The following CLNK variants were observed in gnomAD, a reference collection of about 807,000 sequenced individuals.
CLNK encodes the protein cytokine dependent hematopoietic cell linker.
In CLNK, 74 loss-of-function variants were observed where a neutral mutation model predicts 68.6. The ratio of observed to expected loss-of-function variants is 1.08; its 90% CI spans 0.89 to 1.31. The LOEUF is 1.31. Among genes scored for constraint, CLNK ranks in the 50% most tolerant of loss-of-function variants. The probability of loss-of-function intolerance (pLI) is 0.00; values close to 1 mark genes in which losing one functional copy is unlikely to be tolerated. For synonymous variants in CLNK, 198 were observed against 172.2 expected, an observed-to-expected ratio of 1.15 and a Z score of -1.17; for missense variants, 553 against 515.3, an observed-to-expected ratio of 1.07 and a Z score of -0.71.
chr4:10,631,379 T>G (rs1722883831), intron 2 of CLNK, among the ~76,000 whole-genome samples: 1 of 152,116 alleles, frequency 6.6e-6, no homozygotes, highest in African/African-American at 2.4e-5. Context: ...AAACCAGAGA[T>G]AGGTGGGAGA....
intron 15 of CLNK, among the ~76,000 whole-genome samples, chr4:10,516,349 C>G (rs1334838725): frequency 6.6e-6 from 1 of 152,074 alleles, no homozygotes; most frequent in African/African-American, 2.4e-5. Flanking sequence ...TTAACAAGAA[C>G]TTTGAAAGGA....
intron 2 of CLNK, among the ~76,000 whole-genome samples, chr4:10,628,719 T>C (rs922147388): frequency 6.6e-6 from 1 of 152,214 alleles, no homozygotes; most frequent in African/African-American, 2.4e-5. Flanking sequence ...TGATGCTTTG[T>C]ACATGCTGAA....
intron 15 of CLNK, chr4:10,517,533 G>A (rs1382593879): frequency 1.3e-5 from 2 of 152,180 alleles, no homozygotes; most frequent in African/African-American, 4.8e-5. Context: ...AAACAGAGCT[G>A]TACTAATACA....
chr4:10,584,855 G>T, intron 4 of CLNK, 72 bp downstream of exon 4: 1 of 1,475,500 alleles, frequency 6.8e-7, no homozygotes, highest in Non-Finnish European at 9.4e-7. Flanking sequence ...AAACAAAAAA[G>T]AATGGAAATA....
chr4:10,582,593 G>A (rs746449027), intron 4 of CLNK, among the ~76,000 whole-genome samples: 3 of 152,034 alleles, frequency 2.0e-5, no homozygotes, highest in Non-Finnish European at 2.9e-5. Context: ...GCATTGCACT[G>A]TTCTCTGTGT....
chr4:10,690,689 C>T, the CLNK span, among the ~76,000 whole-genome samples: 55 of 152,220 alleles, frequency 3.6e-4, no homozygotes, highest in East Asian at 4.6e-3. Flanking sequence ...ATTACAATAA[C>T]GCCTCTGTGT....
intron 8 of CLNK, among the ~76,000 whole-genome samples, chr4:10,553,371 TA>T (rs1439199266): frequency 6.6e-6 from 1 of 152,198 alleles, no homozygotes; most frequent in East Asian, 1.9e-4. Flanking sequence ...ACTTGGTCAG[TA>T]AAAAGATCTG....
intron 2 of CLNK, among the ~76,000 whole-genome samples, chr4:10,646,893 G>C (rs1030037029): frequency 6.6e-6 from 1 of 152,218 alleles, no homozygotes; most frequent in Non-Finnish European, 1.5e-5. Context: ...GCAACAGGAA[G>C]AAATTGCTGA....
intron 2 of CLNK, among the ~76,000 whole-genome samples, chr4:10,666,366 C>T (rs1253027795): frequency 1.3e-5 from 2 of 152,194 alleles, no homozygotes; most frequent in Admixed American, 1.3e-4. Context: ...CTGCCATTTG[C>T]CACGTTTATC....
intron 17 of CLNK, among the ~76,000 whole-genome samples, chr4:10,502,773 G>T (rs1717107383): frequency 6.6e-6 from 1 of 151,998 alleles, no homozygotes; most frequent in African/African-American, 2.4e-5. Flanking sequence ...AGGAGGAATT[G>T]TAGCCTATGT....
At chr4:10,565,971 A>C (rs1288938944) in intron 6 of CLNK, 38 bp downstream of exon 6, 1 of 1,603,064 alleles carries the variant, frequency 6.2e-7, no homozygotes, top group Non-Finnish European at 8.5e-7. Flanking sequence ...TGGCATGTAC[A>C]TGCATCTTCT....
intron 4 of CLNK, 100 bp downstream of exon 4, chr4:10,584,827 A>G (rs538925156): frequency 3.2e-6 from 4 of 1,233,260 alleles, no homozygotes; most frequent in African/African-American, 1.5e-5. Context: ...CAAATAGGCC[A>G]TAGTTTTATT....
At chr4:10,584,083 T>C (rs1159266553) in intron 4 of CLNK, among the ~76,000 whole-genome samples, 1 of 152,204 alleles carries the variant, frequency 6.6e-6, no homozygotes, top group Non-Finnish European at 1.5e-5. Context: ...TAGGCCTGAC[T>C]GGGAAGTTGA....
the CLNK span, among the ~76,000 whole-genome samples, chr4:10,698,343 A>G: frequency 6.6e-6 from 1 of 152,190 alleles, no homozygotes; most frequent in African/African-American, 2.4e-5. Flanking sequence ...GGTCCATACT[A>G]TAGTTGAATC....
intron 2 of CLNK, among the ~76,000 whole-genome samples, chr4:10,630,837 T>G (rs532739217): frequency 7.9e-5 from 12 of 152,332 alleles, no homozygotes; most frequent in South Asian, 6.2e-4. Flanking sequence ...TGTTGTGATG[T>G]CCATCTGCTT....
chr4:10,697,544 T>C, the CLNK span: 3 of 152,148 alleles, frequency 2.0e-5, no homozygotes, highest in Non-Finnish European at 2.9e-5. Context: ...GATGACAGTG[T>C]GAGAGAGAAA....
intron 17 of CLNK, among the ~76,000 whole-genome samples, chr4:10,505,930 A>G (rs1000906934): frequency 6.6e-6 from 1 of 152,202 alleles, no homozygotes; most frequent in Non-Finnish European, 1.5e-5. Flanking sequence ...TACAACATCA[A>G]TTCTGAGAGC....
chr4:10,665,062 G>T (rs2108891327), intron 2 of CLNK, among the ~76,000 whole-genome samples: 1 of 152,318 alleles, frequency 6.6e-6, no homozygotes, highest in East Asian at 1.9e-4. Flanking sequence ...TATTCTTCAA[G>T]GCAGGTTCCT....
chr4:10,564,476 G>C (rs1357214476), intron 7 of CLNK, among the ~76,000 whole-genome samples, 195 bp downstream of exon 7: 3 of 152,146 alleles, frequency 2.0e-5, no homozygotes, highest in African/African-American at 7.2e-5. Flanking sequence ...CTTCTTTCTA[G>C]AGGTAGGGCC....
Sources: gnomAD v4.1 joint callset for allele counts (sites outside exome capture counted in the v4.1 genomes callset) on GRCh38, gnomAD v4.1.1 for gene constraint, MANE v1.5 for transcripts, NCBI Gene and HGNC (gene_info 2026-07-23, HGNC 2026-07-21) for gene names.